Variants in ARAP2 observed in about 807,000 individuals in gnomAD.
The protein encoded by ARAP2 is ArfGAP with RhoGAP domain, ankyrin repeat and PH domain 2.
A neutral mutation model predicts 194.5 loss-of-function variants in ARAP2; 148 were observed. The observed-to-expected ratio is 0.76, with a 90% CI of 0.67 to 0.87. ARAP2 has a LOEUF of 0.87. ARAP2 is among the 40% of genes least tolerant of loss of function. The probability of loss-of-function intolerance (pLI) is 0.00; values close to 1 mark genes in which losing one functional copy is unlikely to be tolerated. For missense variants in ARAP2, 2,128 were observed against 1,989.7 expected (o/e 1.07, Z -1.32); for synonymous variants, 695 against 683.5 (o/e 1.02, Z -0.26).
chr4:36,148,425 A>G lies in ARAP2; in HGVS notation c.2980T>C (p.Trp994Arg). The change falls in exon 17 of 33, where the codon TGG becomes CGG. Residue 994 changes from tryptophan (W) to arginine (R), a missense_variant. Trp to Arg is a moderately radical substitution (Grantham distance 101). Coordinates refer to ENST00000303965, the MANE Select transcript of ARAP2 (RefSeq NM_015230.4). ...AATACCTTGGCTATTGCCTCTGTCC[A>G]TTTTCTTTGAGCTTGAGATGTTTCA... is the stretch of plus-strand genomic sequence containing the variant. ...GAETSQAQRK[W>R]TEAIAKHFVP... The G allele has an allele frequency of 6.2e-7, 1 of 1,612,902 alleles. No homozygotes were observed. Among genetic ancestry groups the G allele is most frequent in the Non-Finnish European group, 8.5e-7 (1 of 1,179,256 alleles).
intron 9 of ARAP2, among the ~76,000 whole-genome samples, chr4:36,168,630 T>C (rs1330086417): frequency 6.6e-6 from 1 of 152,172 alleles, no homozygotes; most frequent in Non-Finnish European, 1.5e-5. Flanking sequence ...TTTTAATATA[T>C]AAAGTTTTTA....
intron 27 of ARAP2, among the ~76,000 whole-genome samples, chr4:36,104,762 T>C (rs2109450667): frequency 1.3e-5 from 2 of 152,122 alleles, no homozygotes; most frequent in Non-Finnish European, 2.9e-5. Flanking sequence ...TATAAAAATT[T>C]TATGGGCTAG....
chr4:36,050,092 A>G (rs1201032830), intron 3 of ARAP2, among the ~76,000 whole-genome samples: 2 of 152,176 alleles, frequency 1.3e-5, no homozygotes, highest in Non-Finnish European at 2.9e-5. Context: ...CTTGGTTTTC[A>G]TGCCTAGGAA....
chr4:36,039,081 G>A (rs1720404272), intron 5 of ARAP2, among the ~76,000 whole-genome samples: 1 of 152,134 alleles, frequency 6.6e-6, no homozygotes, highest in Non-Finnish European at 1.5e-5. Context: ...GGAGTAAAAG[G>A]AGAATTCGGA....
At chr4:36,083,019 G>A (rs943880872) in intron 29 of ARAP2, among the ~76,000 whole-genome samples, 1 of 152,104 alleles carries the variant, frequency 6.6e-6, no homozygotes, top group South Asian at 2.1e-4. Context: ...TTGTAGACTT[G>A]CCTGAGATGC....
At position 36,066,229 on chromosome 4, in the gene ARAP2, T is replaced by G. The variant is rs1351634262; in HGVS notation, c.*1678A>C. 1 of 152,190 alleles carries G rather than the reference T, an allele frequency of 6.6e-6. No individual in the cohort carries two copies. Among genetic ancestry groups the G allele is most frequent in the Non-Finnish European group, 1.5e-5 (1 of 68,036 alleles). 9.4% of individuals were successfully genotyped at this position (152,190 alleles called of 1,614,324 possible). ...AAATATTAATTTCCACATACCTCTT[T>G]ATTTCATAAAAATATAAATATTTAT... On this transcript the variant is annotated 3_prime_UTR_variant, in exon 33 of 33. Transcript: ENST00000303965.
At chr4:36,190,601 T>C (rs1323658504) in intron 7 of ARAP2, among the ~76,000 whole-genome samples, 1 of 152,216 alleles carries the variant, frequency 6.6e-6, no homozygotes, top group African/African-American at 2.4e-5. Context: ...AACAGTCTCC[T>C]GGTTTGCCTC....
At chr4:36,156,445 GAAAGA>G (rs1732530648) in intron 15 of ARAP2, among the ~76,000 whole-genome samples, 1 of 11,452 alleles carries the variant, frequency 8.7e-5, no homozygotes, top group Non-Finnish European at 1.6e-4. Flanking sequence ...GAAAGAAAGA[GAAAGA>G]AAGAAAGAAA....
Position 36,229,658 on chromosome 4 carries a change from A to T in ARAP2, c.-159-13T>A. 2.2e-6 allele frequency: 1 copy of T among 459,242 alleles called. No homozygotes were observed. Among genetic ancestry groups the T allele is most frequent in the Non-Finnish European group, 3.8e-6 (1 of 263,462 alleles). The allele number at this position is 459,242 out of a possible 1,614,324, so 28.4% of individuals were successfully genotyped here. ...TACCTGCTTAAGCCTAGAAAAAAAT[A>T]AAAAATGATTCATTAGGCTATTTTA... On this transcript the variant is annotated splice_polypyrimidine_tract_variant and intron_variant, in intron 1 of 32. Transcript: ENST00000303965.
chr4:36,103,707 C>CA (rs1030514750), intron 27 of ARAP2, among the ~76,000 whole-genome samples: 1 of 151,540 alleles, frequency 6.6e-6, no homozygotes, highest in African/African-American at 2.4e-5. Flanking sequence ...GTAGAGGCAA[C>CA]AAAAAACACA....
At chr4:36,187,332 A>G (rs1401147091) in intron 8 of ARAP2, 119 bp downstream of exon 8, 1 of 526,106 alleles carries the variant, frequency 1.9e-6, no homozygotes, top group Non-Finnish European at 3.0e-6. Context: ...TAATTTTAAA[A>G]TGTAAATTAT....
At chr4:36,028,948 T>C (rs1361815554) in intron 5 of ARAP2, among the ~76,000 whole-genome samples, 1 of 152,052 alleles carries the variant, frequency 6.6e-6, no homozygotes, top group Non-Finnish European at 1.5e-5. Context: ...GATTGAAGAA[T>C]GTTGTTACCA....
At chr4:36,182,554 G>A (rs1007835117) in intron 8 of ARAP2, among the ~76,000 whole-genome samples, 1 of 151,716 alleles carries the variant, frequency 6.6e-6, no homozygotes, top group Non-Finnish European at 1.5e-5. Context: ...TCCATGGAGC[G>A]TAAAGTGAAC....
downstream of ARAP2, among the ~76,000 whole-genome samples, chr4:36,063,471 A>C: frequency 6.6e-6 from 1 of 152,134 alleles, no homozygotes; most frequent in Non-Finnish European, 1.5e-5. Flanking sequence ...AGAAAAAAAA[A>C]AAAAAGAGAT....
chr4:36,243,904 G>A (rs1754085639), intron 1 of ARAP2: 1 of 152,252 alleles, frequency 6.6e-6, no homozygotes, highest in Admixed American at 6.5e-5. Context: ...GTAGGGGAGA[G>A]GAATGGAGGG....
chr4:36,046,753 G>A (rs1163187549), exon 4 of ARAP2: 8 of 152,002 alleles, frequency 5.3e-5, no homozygotes, highest in Admixed American at 6.6e-5. Context: ...AGAAGTGTAA[G>A]CTTTTCTTTT....
intron 6 of ARAP2, among the ~76,000 whole-genome samples, chr4:36,199,081 C>G (rs947447127): frequency 6.6e-6 from 1 of 152,222 alleles, no homozygotes; most frequent in Non-Finnish European, 1.5e-5. Context: ...AGGGGCAGGG[C>G]TCCCACTTGT....
chr4:36,126,362 T>C (rs1328349521), intron 21 of ARAP2, among the ~76,000 whole-genome samples: 2 of 151,962 alleles, frequency 1.3e-5, no homozygotes, highest in East Asian at 3.9e-4. Context: ...GATGATATTT[T>C]CAAAATAAAG....
At chr4:36,159,530 T>A in intron 13 of ARAP2, 25 bp from the exon 14 acceptor site, 1 of 1,466,524 alleles carries the variant, frequency 6.8e-7, no homozygotes, top group Non-Finnish European at 9.1e-7. Context: ...AAAATATACA[T>A]CTTAAGGAAA....
Sources: gnomAD v4.1 joint callset for allele counts (sites outside exome capture counted in the v4.1 genomes callset) on GRCh38, gnomAD v4.1.1 for gene constraint, MANE v1.5 for transcripts, NCBI Gene and HGNC (gene_info 2026-07-23, HGNC 2026-07-21) for gene names.